Variants in NR2F1-AS1 observed in about 807,000 individuals in gnomAD.
NR2F1-AS1 encodes NR2F1 antisense RNA 1.
upstream of NR2F1-AS1, among the ~76,000 whole-genome samples, chr5:93,581,834 CTCCT>C (rs1561519920): frequency 3.3e-5 from 2 of 61,406 alleles, no homozygotes; most frequent in African/African-American, 1.1e-4. Context: ...CTCTCTCTCT[CTCCT>C]CTCTCTCTCT....
At chr5:93,557,735 G>C (rs142883565) in intron 2 of NR2F1-AS1, among the ~76,000 whole-genome samples, 1 of 152,204 alleles carries the variant, frequency 6.6e-6, no homozygotes, top group East Asian at 1.9e-4. Flanking sequence ...AGACAATAAA[G>C]TTTGCCCCAT....
intron 4 of NR2F1-AS1, among the ~76,000 whole-genome samples, chr5:93,470,365 G>A (rs557339683): frequency 2.0e-5 from 3 of 151,798 alleles, no homozygotes; most frequent in Admixed American, 1.3e-4. Context: ...CCTAGATGCA[G>A]GCATTAAAAA....
At chr5:93,418,038 C>G (rs1010849360) in intron 4 of NR2F1-AS1, among the ~76,000 whole-genome samples, 1 of 152,142 alleles carries the variant, frequency 6.6e-6, no homozygotes, top group Admixed American at 6.5e-5. Context: ...TGCCACATGC[C>G]TCTCTGCAAG....
chr5:93,478,224 A>C (rs1013674334), intron 4 of NR2F1-AS1, among the ~76,000 whole-genome samples: 1 of 152,190 alleles, frequency 6.6e-6, no homozygotes, highest in Non-Finnish European at 1.5e-5. Flanking sequence ...TATGTCAGCA[A>C]TAAGAGAAAA....
intron 4 of NR2F1-AS1, among the ~76,000 whole-genome samples, chr5:93,553,381 C>G (rs1752277763): frequency 6.6e-6 from 1 of 152,110 alleles, no homozygotes; most frequent in African/African-American, 2.4e-5. Context: ...GCTACCACAC[C>G]TGGCCTAGTA....
At chr5:93,562,495 T>G (rs1301866342) in intron 2 of NR2F1-AS1, among the ~76,000 whole-genome samples, 1 of 152,060 alleles carries the variant, frequency 6.6e-6, no homozygotes, top group Non-Finnish European at 1.5e-5. Flanking sequence ...GGTTTCACCA[T>G]GTTGCCCAGG....
At chr5:93,583,004 C>T (rs751180180), upstream of NR2F1-AS1, among the ~76,000 whole-genome samples, 2 of 152,018 alleles carry the variant, frequency 1.3e-5, no homozygotes, top group Admixed American at 6.5e-5. Context: ...CAACCAATGG[C>T]GTGCAGGAGG....
At chr5:93,496,870 T>C (rs1166987487) in intron 4 of NR2F1-AS1, among the ~76,000 whole-genome samples, 1 of 152,160 alleles carries the variant, frequency 6.6e-6, no homozygotes, top group Admixed American at 6.6e-5. Context: ...AAAGAAAGAA[T>C]CCATGCAGCT....
At chr5:93,513,489 A>G (rs1164532795) in intron 4 of NR2F1-AS1, among the ~76,000 whole-genome samples, 1 of 152,224 alleles carries the variant, frequency 6.6e-6, no homozygotes, top group Non-Finnish European at 1.5e-5. Context: ...AGTCATAAAA[A>G]AGAAGAAAAT....
At chr5:93,533,069 G>A (rs1217631956) in intron 4 of NR2F1-AS1, among the ~76,000 whole-genome samples, 14 of 152,232 alleles carry the variant, frequency 9.2e-5, no homozygotes, top group Non-Finnish European at 4.4e-5. Flanking sequence ...TTAGTCAGAC[G>A]TTACCTTACA....
intron 4 of NR2F1-AS1, among the ~76,000 whole-genome samples, chr5:93,502,054 T>A (rs1286644378): frequency 2.0e-5 from 3 of 152,174 alleles, no homozygotes; most frequent in African/African-American, 7.2e-5. Flanking sequence ...TGTTAGCAAT[T>A]TTTAGGAATA....
chr5:93,451,278 ACTAT>A (rs779437204), intron 4 of NR2F1-AS1, among the ~76,000 whole-genome samples: 4 of 151,140 alleles, frequency 2.6e-5, no homozygotes, highest in African/African-American at 7.3e-5. Flanking sequence ...TATGGAAAAT[ACTAT>A]CTAAGTCTAA....
chr5:93,411,920 A>G (rs965622805), intron 4 of NR2F1-AS1, among the ~76,000 whole-genome samples: 3 of 152,182 alleles, frequency 2.0e-5, no homozygotes, highest in Non-Finnish European at 2.9e-5. Context: ...TGGCTGGGAA[A>G]CAACAGTTGC....
At chr5:93,564,639 A>G (rs1441529959) in intron 1 of NR2F1-AS1, among the ~76,000 whole-genome samples, 1 of 152,200 alleles carries the variant, frequency 6.6e-6, no homozygotes, top group Non-Finnish European at 1.5e-5. Context: ...ACAGAAGGTC[A>G]TTTATGATTT....
At chr5:93,500,882 T>C (rs1231354107) in intron 4 of NR2F1-AS1, among the ~76,000 whole-genome samples, 1 of 152,158 alleles carries the variant, frequency 6.6e-6, no homozygotes, top group Non-Finnish European at 1.5e-5. Flanking sequence ...CCCAAAGTGA[T>C]AGGATTACAG....
intron 4 of NR2F1-AS1, among the ~76,000 whole-genome samples, chr5:93,457,545 A>T (rs951977180): frequency 6.6e-6 from 1 of 152,136 alleles, no homozygotes; most frequent in African/African-American, 2.4e-5. Context: ...ACATAGACAC[A>T]GTAACAGTCT....
intron 2 of NR2F1-AS1, among the ~76,000 whole-genome samples, chr5:93,558,407 AC>A (rs2149917430): frequency 6.9e-6 from 1 of 144,340 alleles, no homozygotes; most frequent in African/African-American, 2.6e-5. Context: ...TGCAACCTCC[AC>A]CCCCTGGGTT....
chr5:93,415,436 C>T (rs1489616148), intron 4 of NR2F1-AS1, among the ~76,000 whole-genome samples: 3 of 152,146 alleles, frequency 2.0e-5, no homozygotes, highest in Admixed American at 1.3e-4. Context: ...ACCTTAACAA[C>T]TCACCATTCA....
intron 4 of NR2F1-AS1, among the ~76,000 whole-genome samples, chr5:93,505,757 C>T (rs1232493796): frequency 6.6e-6 from 1 of 152,162 alleles, no homozygotes; most frequent in Non-Finnish European, 1.5e-5. Context: ...AGCATGGGGA[C>T]CCTGGGCCTG....
Sources: gnomAD v4.1 joint callset for allele counts (sites outside exome capture counted in the v4.1 genomes callset) on GRCh38, gnomAD v4.1.1 for gene constraint, MANE v1.5 for transcripts, NCBI Gene and HGNC (gene_info 2026-07-23, HGNC 2026-07-21) for gene names.